LRRC1: variants seen among roughly 807,000 people sequenced by gnomAD.
LRRC1 encodes the protein leucine-rich repeat-containing protein 1.
A neutral mutation model predicts 69.9 loss-of-function variants in LRRC1; 28 were observed. That is an observed-to-expected ratio of 0.40 (90% confidence interval 0.30 to 0.55). LRRC1 has a LOEUF of 0.55. Ranked by LOEUF, LRRC1 falls within the 20% of genes least tolerant of loss-of-function variation. LRRC1 has a pLI of 0.47. For synonymous variants in LRRC1, 236 were observed against 240.2 expected, an observed-to-expected ratio of 0.98 and a Z score of 0.16; for missense variants, 498 against 609.0, an observed-to-expected ratio of 0.82 and a Z score of 1.92.
At chr6:53,917,993 T>G (rs915072109) in intron 11 of LRRC1, among the ~76,000 whole-genome samples, 2 of 152,210 alleles carry the variant, frequency 1.3e-5, no homozygotes. Flanking sequence ...GTTCTGTCCC[T>G]TAAAGAACAA....
At position 53,795,142 on chromosome 6, in the gene LRRC1, GA is replaced by G; in HGVS notation, c.-114del. The stretch of plus-strand genomic sequence containing the variant: ...CGGCGCGAGAAGCGAGCTAACCCAA[GA>G]GCCAACAACGAGCGCGGAGAGGGCA... On this transcript the variant is annotated 5_prime_UTR_variant, in exon 1 of 14. Transcript: ENST00000370888. 4 of 933,638 alleles carry G rather than the reference GA, an allele frequency of 4.3e-6. No individual in the cohort carries two copies. Among genetic ancestry groups the G allele is most frequent in the Non-Finnish European group, 6.2e-6 (4 of 647,496 alleles). The allele number at this position is 933,638 out of a possible 1,614,324, so 57.8% of individuals were successfully genotyped here.
Position 53,850,137 on chromosome 6 carries a change from A to G in LRRC1, c.277+7910A>G, listed in dbSNP as rs745665256. ...GTAAGGCTCTATGCTAAATTGTTCT[A>G]TCCCTTAAGGAAATAACAAATAACT... On this transcript the variant is annotated intron_variant, in intron 2 of 13. Coordinates refer to ENST00000370888, the MANE Select transcript of LRRC1 (RefSeq NM_018214.5). 2.7e-5 allele frequency among the ~76,000 whole-genome samples: 4 copies of G among 148,838 alleles called. No individual in the cohort carries two copies. The South Asian group carries it at 6.3e-4, about 24-fold the overall frequency.
intron 10 of LRRC1, among the ~76,000 whole-genome samples, chr6:53,912,692 T>C (rs1329406897): frequency 2.6e-5 from 4 of 152,226 alleles, no homozygotes; most frequent in Admixed American, 2.0e-4. Context: ...CACAAAAATA[T>C]GCATTCTGCT....
chr6:53,812,583 G>C (rs374212235), intron 1 of LRRC1, among the ~76,000 whole-genome samples: 7 of 150,562 alleles, frequency 4.6e-5, no homozygotes, highest in African/African-American at 1.7e-4. Flanking sequence ...CCAGCTACTC[G>C]GGAGGCTGAG....
At chr6:53,804,881 T>C (rs977876244) in intron 1 of LRRC1, among the ~76,000 whole-genome samples, 5 of 152,214 alleles carry the variant, frequency 3.3e-5, no homozygotes, top group African/African-American at 1.2e-4. Flanking sequence ...TAATCTGTCG[T>C]TTTGCACCTA....
At chr6:53,801,161 A>G (rs1224605541) in intron 1 of LRRC1, among the ~76,000 whole-genome samples, 1 of 152,160 alleles carries the variant, frequency 6.6e-6, no homozygotes, top group Non-Finnish European at 1.5e-5. Flanking sequence ...TTGTTAGACA[A>G]AAGTGTTGGG....
At position 53,795,153 on chromosome 6, in the gene LRRC1, G is replaced by T; in HGVS notation, c.-104G>T. On this transcript the variant is annotated 5_prime_UTR_variant, in exon 1 of 14. Coordinates refer to ENST00000370888, the MANE Select transcript of LRRC1 (RefSeq NM_018214.5). ...GCGAGCTAACCCAAGAGCCAACAACGAGCGCGGAGAGGGCAGCGGACTGAG... is the reference window on the plus strand; with the variant it reads ...GCGAGCTAACCCAAGAGCCAACAACTAGCGCGGAGAGGGCAGCGGACTGAG... 4 of 1,040,326 alleles carry T rather than the reference G, an allele frequency of 3.8e-6. No individual in the cohort carries two copies. The highest frequency in any genetic ancestry group is 4.0e-6 in the Non-Finnish European group (3 of 742,702). The allele number at this position is 1,040,326 out of a possible 1,614,324, so 64.4% of individuals were successfully genotyped here.
At chr6:53,837,997 G>C (rs868461810) in intron 1 of LRRC1, among the ~76,000 whole-genome samples, 13 of 152,168 alleles carry the variant, frequency 8.5e-5, no homozygotes, top group Admixed American at 7.9e-4. Context: ...TGTGTGTTCT[G>C]TCACATGGTT....
chr6:53,808,990 A>G (rs920852431), intron 1 of LRRC1, among the ~76,000 whole-genome samples: 6 of 152,202 alleles, frequency 3.9e-5, no homozygotes, highest in Non-Finnish European at 8.8e-5. Flanking sequence ...TGGATTTCCT[A>G]CTTTCAGGAT....
intron 2 of LRRC1, among the ~76,000 whole-genome samples, chr6:53,867,427 A>G (rs1288983709): frequency 6.6e-6 from 1 of 151,242 alleles, no homozygotes; most frequent in East Asian, 1.9e-4. Context: ...TTTTATTTCT[A>G]AAGTATGACT....
At chr6:53,855,508 A>G (rs1487128597) in intron 2 of LRRC1, among the ~76,000 whole-genome samples, 1 of 152,202 alleles carries the variant, frequency 6.6e-6, no homozygotes, top group Non-Finnish European at 1.5e-5. Context: ...GTCTCTCTGC[A>G]GAGGCCGAAA....
At chr6:53,838,202 C>T (rs1765664737) in intron 1 of LRRC1, among the ~76,000 whole-genome samples, 1 of 152,082 alleles carries the variant, frequency 6.6e-6, no homozygotes, top group African/African-American at 2.4e-5. Context: ...ATATTAAGAT[C>T]ACATCAGGAT....
chr6:53,914,563 C>T (rs1261628699), intron 11 of LRRC1, among the ~76,000 whole-genome samples: 2 of 152,144 alleles, frequency 1.3e-5, no homozygotes, highest in Non-Finnish European at 2.9e-5. Flanking sequence ...TCTCAAGTTC[C>T]GGAGCAGAGG....
chr6:53,856,299 C>A (rs1339723193), intron 2 of LRRC1, among the ~76,000 whole-genome samples: 1 of 152,138 alleles, frequency 6.6e-6, no homozygotes, highest in Admixed American at 6.5e-5. Flanking sequence ...AGAGATAAAT[C>A]AGTTTAGCAG....
intron 2 of LRRC1, among the ~76,000 whole-genome samples, chr6:53,861,692 C>T (rs949407315): frequency 6.6e-6 from 1 of 152,146 alleles, no homozygotes; most frequent in Non-Finnish European, 1.5e-5. Context: ...CTTCTCCTGC[C>T]CTTCTGGAAA....
chr6:53,911,596 A>G (rs1768410986), intron 10 of LRRC1, among the ~76,000 whole-genome samples: 1 of 152,144 alleles, frequency 6.6e-6, no homozygotes, highest in Non-Finnish European at 1.5e-5. Context: ...CTAGATCAGG[A>G]CGCTAGCGGG....
chr6:53,861,417 C>T (rs754281692), intron 2 of LRRC1, among the ~76,000 whole-genome samples: 1 of 150,908 alleles, frequency 6.6e-6, no homozygotes, highest in Admixed American at 6.6e-5. Flanking sequence ...TGCCATTAGA[C>T]CTCCTTTATC....
intron 10 of LRRC1, among the ~76,000 whole-genome samples, chr6:53,906,501 C>T (rs1485653897): frequency 6.6e-6 from 1 of 152,224 alleles, no homozygotes; most frequent in African/African-American, 2.4e-5. Flanking sequence ...GATCCCCTGA[C>T]TCTCTTTCAC....
intron 2 of LRRC1, among the ~76,000 whole-genome samples, chr6:53,853,663 A>G (rs1210658553): frequency 2.0e-5 from 3 of 152,152 alleles, no homozygotes; most frequent in African/African-American, 7.2e-5. Flanking sequence ...CTGACATAAC[A>G]TTTCTGGGGT....
Sources: gnomAD v4.1 joint callset for allele counts (sites outside exome capture counted in the v4.1 genomes callset) on GRCh38, gnomAD v4.1.1 for gene constraint, MANE v1.5 for transcripts, NCBI Gene and HGNC (gene_info 2026-07-23, HGNC 2026-07-21) for gene names.